Variants in ZMYM6 observed in about 807,000 individuals in gnomAD.
The protein encoded by ZMYM6 is zinc finger MYM-type containing 6, also known as zinc finger MYM-type protein 6.
In ZMYM6, 90 loss-of-function variants were observed where a neutral mutation model predicts 134.0. The observed-to-expected ratio is 0.67, with a 90% CI of 0.57 to 0.80. ZMYM6 has a LOEUF of 0.80. Ranked by LOEUF, ZMYM6 falls within the 30% of genes least tolerant of loss-of-function variation. The probability of loss-of-function intolerance (pLI) is 0.00; values close to 1 mark genes in which losing one functional copy is unlikely to be tolerated. For synonymous variants in ZMYM6, 481 were observed against 524.1 expected (o/e 0.92, Z 1.12); for missense variants, 1,362 against 1,533.9 (o/e 0.89, Z 1.87).
At chr1:34,999,554 A>G (rs1348656703) in intron 14 of ZMYM6, among the ~76,000 whole-genome samples, 1 of 152,242 alleles carries the variant, frequency 6.6e-6, no homozygotes, top group Non-Finnish European at 1.5e-5. Context: ...GATTACAGAG[A>G]GACCACCTAA....
rs193023006 is a variant in ZMYM6 at position 35,025,680 on chromosome 1, C to T, written c.93+4867G>A. ...TATCAATTACCTTGAGAGCAGAAGTCCTATCTTTTCATCTCTGTAGCCTTT... is the reference window on the plus strand; with the variant it reads ...TATCAATTACCTTGAGAGCAGAAGTTCTATCTTTTCATCTCTGTAGCCTTT... On this transcript the variant is annotated intron_variant, in intron 2 of 15. Transcript: ENST00000357182. Among the ~76,000 whole-genome samples the T allele has an allele frequency of 1.9e-4, 29 of 152,210 alleles. 1 individual carries two copies. Among genetic ancestry groups the T allele is most frequent in the African/African-American group, 5.3e-4 (22 of 41,538 alleles).
Position 35,023,624 on chromosome 1 carries a change from T to A in ZMYM6, c.94-3157A>T, listed in dbSNP as rs964445516. On this transcript the variant is annotated intron_variant, in intron 2 of 15. Coordinates refer to ENST00000357182, the MANE Select transcript of ZMYM6 (RefSeq NM_007167.4). ...AATGAGTGTTTAAGATTCAATAAAA[T>A]TTTTTTTTTTTTTTTGGAGACAGAA... 7.2e-4 allele frequency among the ~76,000 whole-genome samples: 92 copies of A among 127,832 alleles called. 3 individuals are homozygous for A. The South Asian group carries it at 0.014, about 19-fold the overall frequency. 83.9% of individuals were successfully genotyped at this position (127,832 alleles called of 152,430 possible).
chr1:34,997,354 A>T (rs1320500047), intron 14 of ZMYM6, among the ~76,000 whole-genome samples: 2 of 152,194 alleles, frequency 1.3e-5, no homozygotes, highest in Non-Finnish European at 2.9e-5. Context: ...CCCAGACTGG[A>T]GTGCAGTGGC....
intron 14 of ZMYM6, among the ~76,000 whole-genome samples, chr1:35,002,778 C>T (rs1416735064): frequency 1.3e-5 from 2 of 152,136 alleles, no homozygotes; most frequent in Non-Finnish European, 2.9e-5. Context: ...ATTTGGGGCA[C>T]ATTTTTTTAG....
At position 35,013,334 on chromosome 1, in the gene ZMYM6, C is replaced by T. The variant is rs989530541; in HGVS notation, c.796-753G>A. ...GCTCCAAAGTTCAGGCTCCTAACCA[C>T]TACACTATGCTGTCAGTGATACATT... On this transcript the variant is annotated intron_variant, in intron 6 of 15. Transcript: ENST00000357182. 9.3e-6 allele frequency: 9 copies of T among 970,634 alleles called. No individual in the cohort carries two copies. The African/African-American group carries it at 1.6e-4, about 17-fold the overall frequency. The allele number at this position is 970,634 out of a possible 1,614,324, so 60.1% of individuals were successfully genotyped here. A position where few individuals can be genotyped will look rare whatever the true frequency, so the allele number is the denominator to read the frequency against.
chr1:35,013,938 C>T (rs1376600356), intron 6 of ZMYM6, among the ~76,000 whole-genome samples: 2 of 152,194 alleles, frequency 1.3e-5, no homozygotes, highest in East Asian at 3.9e-4. Context: ...GATCCACCCG[C>T]CTTGACCTCC....
chr1:35,000,835 G>T (rs1640868348), intron 14 of ZMYM6, among the ~76,000 whole-genome samples: 1 of 152,108 alleles, frequency 6.6e-6, no homozygotes, highest in African/African-American at 2.4e-5. Context: ...TAAAAAAGAA[G>T]AAAAAGGTAG....
At chr1:34,999,667 C>A (rs989108950) in intron 14 of ZMYM6, among the ~76,000 whole-genome samples, 3 of 152,088 alleles carry the variant, frequency 2.0e-5, no homozygotes, top group African/African-American at 7.2e-5. Context: ...TATAAGCAAA[C>A]CTACTGGTAA....
intron 6 of ZMYM6, chr1:35,013,506 T>C (rs1224439111): frequency 1.1e-5 from 11 of 985,270 alleles, no homozygotes; most frequent in East Asian, 1.1e-4. Flanking sequence ...TAAAATAACA[T>C]GGATTCTTTT....
At chr1:35,028,248 G>A (rs1349777578) in intron 2 of ZMYM6, among the ~76,000 whole-genome samples, 14 of 150,958 alleles carry the variant, frequency 9.3e-5, no homozygotes, top group African/African-American at 1.5e-4. Context: ...CCTGGGAGGC[G>A]GAGGTTGCAG....
chr1:35,004,016 T>C lies in ZMYM6; in HGVS notation c.1955-11A>G. On this transcript the variant is annotated splice_polypyrimidine_tract_variant and intron_variant, in intron 13 of 15. Transcript: ENST00000357182. The stretch of plus-strand genomic sequence containing the variant: ...CTTTAGTAACTGCACCTGTTGTAAA[T>C]TAAAACAAATATTATTATCCTTAGA... The C allele has an allele frequency of 6.2e-7, 1 of 1,601,506 alleles. No homozygotes were observed.
At chr1:34,993,260 C>T (rs1213447424) in intron 14 of ZMYM6, among the ~76,000 whole-genome samples, 1 of 151,868 alleles carries the variant, frequency 6.6e-6, no homozygotes, top group Admixed American at 6.6e-5. Flanking sequence ...CACAGGCGTG[C>T]GCCACCACGC....
intron 4 of ZMYM6, among the ~76,000 whole-genome samples, chr1:35,016,268 TA>T (rs1341768072): frequency 6.6e-6 from 1 of 152,122 alleles, no homozygotes; most frequent in Non-Finnish European, 1.5e-5. Flanking sequence ...AATGAATGTT[TA>T]AAAATTAAAA....
At chr1:35,006,691 G>A (rs1032896417) in intron 12 of ZMYM6, among the ~76,000 whole-genome samples, 22 of 152,090 alleles carry the variant, frequency 1.4e-4, no homozygotes, top group Admixed American at 3.9e-4. Context: ...CAATCAAAAA[G>A]CAATCAAATC....
chr1:34,986,731 C>T lies in ZMYM6; in HGVS notation c.*373G>A, dbSNP rs571978079. 1.9e-5 allele frequency: 3 copies of T among 154,504 alleles called. No individual in the cohort carries two copies. Among genetic ancestry groups the T allele is most frequent in the East Asian group, 3.8e-4 (2 of 5,288 alleles). The allele number at this position is 154,504 out of a possible 1,614,324, so 9.6% of individuals were successfully genotyped here. A position where few individuals can be genotyped will look rare whatever the true frequency, so the allele number is the denominator to read the frequency against. ...ATCTCAAAAAAAAGATCTATCTTTT[C>T]CACCTACTCACAACCTTGCAGGGGT... On this transcript the variant is annotated 3_prime_UTR_variant, in exon 16 of 16. Coordinates refer to ENST00000357182, the MANE Select transcript of ZMYM6 (RefSeq NM_007167.4).
chr1:34,999,069 C>A (rs1640836071), intron 14 of ZMYM6, among the ~76,000 whole-genome samples: 1 of 152,102 alleles, frequency 6.6e-6, no homozygotes, highest in African/African-American at 2.4e-5. Flanking sequence ...TTGCAGTGAG[C>A]TGAGATCATG....
rs1557575414 is a variant in ZMYM6 at position 35,010,924 on chromosome 1, T to C, written c.1175A>G (p.Asn392Ser). 1 of 1,612,792 alleles carries C rather than the reference T, an allele frequency of 6.2e-7. No individual in the cohort carries two copies. The highest frequency in any genetic ancestry group is 8.5e-7 in the Non-Finnish European group (1 of 1,179,536). Residue 392 changes from asparagine to serine, a missense_variant, in exon 9 of 16, where the codon AAC (asparagine) becomes AGC (serine). By Grantham distance (46) the Asn-to-Ser change is conservative (BLOSUM62 1). Coordinates refer to ENST00000357182, the MANE Select transcript of ZMYM6 (RefSeq NM_007167.4). ...GGAGCTGGGGGAAACGGCAGAGGTG[T>C]TACCTCCTCCTATTGACACTGCTGA... ...SRSAVSIGGG[N>S]TSAVSPSSIR...
chr1:35,020,588 T>C lies in ZMYM6; in HGVS notation c.94-121A>G, dbSNP rs568739608. 74 of 804,370 alleles carry C rather than the reference T, an allele frequency of 9.2e-5. No homozygotes were observed. In the African/African-American group the frequency reaches 1.2e-3, roughly 13 times the overall value. The allele number at this position is 804,370 out of a possible 1,614,324, so 49.8% of individuals were successfully genotyped here. ...ATCTCCTTTTTTTTTTTTTTTTTTT[T>C]TTGAGATGGAGTCTCACTTGGGTGC... On this transcript the variant is annotated intron_variant, in intron 2 of 15. Transcript: ENST00000357182.
At position 35,019,447 on chromosome 1, in the gene ZMYM6, T is replaced by A. The variant is rs144203270; in HGVS notation, c.334A>T (p.Thr112Ser). The A allele has an allele frequency of 1.9e-6, 3 of 1,614,050 alleles. No individual in the cohort carries two copies. Among genetic ancestry groups the A allele is most frequent in the Non-Finnish European group, 1.7e-6 (2 of 1,180,020 alleles). Reference protein sequence around the residue: ...GQTAYHKTGSTQLFCSTRCIT... With the variant: ...GQTAYHKTGSSQLFCSTRCIT... Reference sequence around the variant, plus strand: ...CATCGTGTGGAGCAGAAGAGCTGAGTAGATCCTGTCTTATGATATGCAGTT... The same window carrying A: ...CATCGTGTGGAGCAGAAGAGCTGAGAAGATCCTGTCTTATGATATGCAGTT... The change falls in exon 4 of 16, where the codon ACT (threonine) becomes TCT (serine). Residue 112 changes from threonine (T) to serine (S), a missense_variant. By Grantham distance (58) the Thr-to-Ser change is moderately conservative. Around this residue, in one of 3 missense-constraint regions of ZMYM6, gnomAD observed 503 missense variants for 520.8 expected, o/e 0.97. Transcript: ENST00000357182.
Sources: allele counts gnomAD v4.1 joint callset (sites outside exome capture counted in the v4.1 genomes callset), GRCh38; gene constraint gnomAD v4.1.1; regional missense constraint gnomAD v4.1.1; transcripts MANE v1.5; gene names NCBI Gene and HGNC (gene_info 2026-07-23, HGNC 2026-07-21).